THSD7B: variants seen among roughly 807,000 people sequenced by gnomAD.
THSD7B encodes thrombospondin type-1 domain-containing protein 7B.
In THSD7B, 138 loss-of-function variants were observed where a neutral mutation model predicts 213.6. The observed-to-expected ratio is 0.65, with a 90% CI of 0.56 to 0.74. The LOEUF (loss-of-function observed/expected upper bound fraction) is 0.74, where lower values mean the gene tolerates loss of function less well. THSD7B is among the 30% of genes least tolerant of loss of function. The pLI is 0.00. For missense variants in THSD7B, 1,931 were observed against 1,991.5 expected (o/e 0.97, Z 0.58); for synonymous variants, 742 against 687.0 (o/e 1.08, Z -1.25).
chr2:137,243,704 G>T (rs533907629), intron 10 of THSD7B, among the ~76,000 whole-genome samples: 3 of 152,292 alleles, frequency 2.0e-5, no homozygotes, highest in African/African-American at 7.2e-5. Context: ...AGATCTGATG[G>T]TCATTCAAAC....
intron 15 of THSD7B, among the ~76,000 whole-genome samples, chr2:137,472,058 A>G (rs1688104225): frequency 6.6e-6 from 1 of 152,192 alleles, no homozygotes; most frequent in African/African-American, 2.4e-5. Context: ...ACAGGCCTAC[A>G]ATCTGCAGGT....
chr2:137,336,014 C>A (rs1392381826), intron 12 of THSD7B, among the ~76,000 whole-genome samples: 1 of 151,820 alleles, frequency 6.6e-6, no homozygotes, highest in Non-Finnish European at 1.5e-5. Flanking sequence ...TATTTAATAA[C>A]CTTAATTTTC....
chr2:136,829,481 C>G (rs78082158), intron 1 of THSD7B, among the ~76,000 whole-genome samples: 2,288 of 152,088 alleles, frequency 0.015, 53 homozygotes, highest in African/African-American at 0.053. Flanking sequence ...GGAAACTGAG[C>G]CCCAGATGGG....
At chr2:137,377,604 T>TGCA (rs1685686231) in intron 12 of THSD7B, among the ~76,000 whole-genome samples, 20 of 152,060 alleles carry the variant, frequency 1.3e-4, no homozygotes, top group Admixed American at 1.1e-3. Context: ...GAATTTTTTT[T>TGCA]GCAGCAGCTT....
chr2:137,572,569 T>C lies in THSD7B; in HGVS notation c.3423+13T>C, dbSNP rs767481508. On this transcript the variant is annotated intron_variant, in intron 17 of 27. Transcript: ENST00000409968. ...CAAATGCCCACAGGTAATTTCTCTT[T>C]CTTTGTCAATGCTCTGATAATCTAT... 10 of 1,613,422 alleles carry C rather than the reference T, an allele frequency of 6.2e-6. No individual in the cohort carries two copies. Among genetic ancestry groups the C allele is most frequent in the Middle Eastern group, 3.3e-4 (2 of 6,062 alleles).
intron 2 of THSD7B, among the ~76,000 whole-genome samples, chr2:136,948,116 T>G (rs1402035801): frequency 7.7e-6 from 1 of 130,584 alleles, no homozygotes; most frequent in Non-Finnish European, 1.6e-5. Flanking sequence ...TGTATGTATG[T>G]TTTTTTTTAA....
At chr2:136,983,904 C>T (rs189037850) in intron 2 of THSD7B, among the ~76,000 whole-genome samples, 95 of 152,228 alleles carry the variant, frequency 6.2e-4, no homozygotes, top group Non-Finnish European at 1.5e-5. Context: ...TCTGGACAAT[C>T]CAAATACTTC....
chr2:137,643,724 A>G (rs750487667), intron 21 of THSD7B, among the ~76,000 whole-genome samples: 2 of 152,198 alleles, frequency 1.3e-5, no homozygotes, highest in Non-Finnish European at 2.9e-5. Flanking sequence ...AGCTCAAAGA[A>G]TTTAGAAAGC....
chr2:136,836,739 C>G (rs1682849634), intron 1 of THSD7B, among the ~76,000 whole-genome samples: 1 of 152,176 alleles, frequency 6.6e-6, no homozygotes, highest in African/African-American at 2.4e-5. Context: ...TTTCTAGTCT[C>G]AGTAACTCCT....
chr2:137,112,824 A>G (rs1688372877), intron 4 of THSD7B, among the ~76,000 whole-genome samples: 1 of 152,002 alleles, frequency 6.6e-6, no homozygotes, highest in African/African-American at 2.4e-5. Flanking sequence ...CAAAAGGCAC[A>G]TGTAGAAGGA....
intron 2 of THSD7B, among the ~76,000 whole-genome samples, chr2:136,893,816 C>T (rs921357695): frequency 1.3e-5 from 2 of 152,176 alleles, no homozygotes; most frequent in African/African-American, 4.8e-5. Flanking sequence ...TTATCTGAGA[C>T]TCAATTAGAG....
chr2:136,774,112 TA>T (rs1195403387), intron 1 of THSD7B, among the ~76,000 whole-genome samples: 1 of 152,108 alleles, frequency 6.6e-6, no homozygotes, highest in Non-Finnish European at 1.5e-5. Flanking sequence ...TCCAGCCTAA[TA>T]ATCCCAGTTT....
chr2:137,057,373 T>C lies in THSD7B; in HGVS notation c.950+143T>C, dbSNP rs1687190833. 6.9e-6 allele frequency: 6 copies of C among 867,902 alleles called. No homozygotes were observed. In the East Asian group the frequency reaches 1.6e-4, roughly 23 times the overall value. The allele number at this position is 867,902 out of a possible 1,614,324, so 53.8% of individuals were successfully genotyped here. A position where few individuals can be genotyped will look rare whatever the true frequency, so the allele number is the denominator to read the frequency against. ...TTTTTAGAAGTTTCATGTAAGAAAT[T>C]TTTAATTTCACTGGGAGGTTTTCAA... On this transcript the variant is annotated intron_variant, in intron 3 of 27. Transcript: ENST00000409968.
chr2:137,106,925 G>A (rs1688265041), intron 4 of THSD7B, among the ~76,000 whole-genome samples: 1 of 152,148 alleles, frequency 6.6e-6, no homozygotes, highest in African/African-American at 2.4e-5. Context: ...AAATAGGAAT[G>A]CTTTTACACT....
intron 1 of THSD7B, among the ~76,000 whole-genome samples, chr2:136,864,909 C>T (rs1420212527): frequency 6.6e-6 from 1 of 152,206 alleles, no homozygotes; most frequent in East Asian, 1.9e-4. Context: ...ATGGAGAAGA[C>T]ATGACAAAAT....
At chr2:137,279,989 A>G (rs1429829815) in intron 12 of THSD7B, among the ~76,000 whole-genome samples, 1 of 152,180 alleles carries the variant, frequency 6.6e-6, no homozygotes, top group Non-Finnish European at 1.5e-5. Flanking sequence ...TTGAGGTTAC[A>G]CATTCTCATG....
chr2:137,168,985 G>A (rs538475114), intron 6 of THSD7B, among the ~76,000 whole-genome samples: 5 of 152,006 alleles, frequency 3.3e-5, no homozygotes, highest in African/African-American at 1.2e-4. Flanking sequence ...TATAGACATG[G>A]AGGTATGGAG....
At chr2:136,980,468 G>GCC (rs1458378271) in intron 2 of THSD7B, among the ~76,000 whole-genome samples, 1 of 152,124 alleles carries the variant, frequency 6.6e-6, no homozygotes, top group Non-Finnish European at 1.5e-5. Context: ...CTGCAGGGAG[G>GCC]CCCCACCCCA....
intron 1 of THSD7B, among the ~76,000 whole-genome samples, chr2:136,879,266 A>C (rs954931169): frequency 2.6e-5 from 4 of 152,002 alleles, no homozygotes; most frequent in Non-Finnish European, 5.9e-5. Context: ...GTTCTGTTCC[A>C]TTGGTCTATT....
Sources: gnomAD v4.1 joint callset for allele counts (sites outside exome capture counted in the v4.1 genomes callset) on GRCh38, gnomAD v4.1.1 for gene constraint, MANE v1.5 for transcripts, NCBI Gene and HGNC (gene_info 2026-07-23, HGNC 2026-07-21) for gene names.